IPCEF1: variants seen among roughly 807,000 people sequenced by gnomAD.
IPCEF1 encodes interactor protein for cytohesin exchange factors 1.
In IPCEF1, 31 loss-of-function variants were observed where a neutral mutation model predicts 50.9. That is an observed-to-expected ratio of 0.61 (90% CI 0.46 to 0.82). IPCEF1 has a LOEUF of 0.82. IPCEF1 is among the 40% of genes least tolerant of loss of function. The pLI is 0.00. For synonymous variants in IPCEF1, 181 were observed against 192.0 expected (o/e 0.94, Z 0.47); for missense variants, 458 against 514.0 (o/e 0.89, Z 1.05).
chr6:154,270,869 G>C (rs1478819034), intron 2 of IPCEF1, among the ~76,000 whole-genome samples: 1 of 152,124 alleles, frequency 6.6e-6, no homozygotes, highest in Non-Finnish European at 1.5e-5. Context: ...CCAGCTACTA[G>C]GGAGGCTGAG....
At chr6:154,191,746 T>G (rs1801908800) in intron 10 of IPCEF1, among the ~76,000 whole-genome samples, 1 of 152,068 alleles carries the variant, frequency 6.6e-6, no homozygotes, top group African/African-American at 2.4e-5. Context: ...AGACTTTAGT[T>G]AATAAAAAAG....
intron 2 of IPCEF1, among the ~76,000 whole-genome samples, chr6:154,284,253 A>G (rs1782298786): frequency 6.6e-6 from 1 of 152,264 alleles, no homozygotes; most frequent in South Asian, 2.1e-4. Context: ...AGTTAATTTT[A>G]AAATATTAAA....
chr6:154,171,551 G>A (rs1799871015), intron 10 of IPCEF1, among the ~76,000 whole-genome samples: 1 of 152,186 alleles, frequency 6.6e-6, no homozygotes, highest in Non-Finnish European at 1.5e-5. Flanking sequence ...AGATTGTGAT[G>A]ACAGCTGCAC....
At chr6:154,214,192 T>C in intron 8 of IPCEF1, 26 bp downstream of exon 8, 2 of 1,493,600 alleles carry the variant, frequency 1.3e-6, no homozygotes, top group Admixed American at 3.3e-5. Flanking sequence ...CTTGCTAAAT[T>C]TTCAGAAATT....
At chr6:154,165,949 G>A (rs890977150) in intron 11 of IPCEF1, among the ~76,000 whole-genome samples, 3 of 152,192 alleles carry the variant, frequency 2.0e-5, no homozygotes, top group Non-Finnish European at 4.4e-5. Flanking sequence ...AACCTGAAAG[G>A]ACCTGAATCC....
At chr6:154,283,093 A>G (rs1221475603) in intron 2 of IPCEF1, among the ~76,000 whole-genome samples, 3 of 151,842 alleles carry the variant, frequency 2.0e-5, no homozygotes, top group Non-Finnish European at 4.4e-5. Flanking sequence ...CAGGAGTTCA[A>G]GACCAGCCTG....
chr6:154,201,923 AG>A (rs1319653288), intron 9 of IPCEF1, among the ~76,000 whole-genome samples: 4 of 152,156 alleles, frequency 2.6e-5, no homozygotes, highest in South Asian at 2.1e-4. Context: ...AAAAACTCCA[AG>A]GAAGTGTCAG....
At chr6:154,226,499 C>T (rs1453845078) in intron 5 of IPCEF1, among the ~76,000 whole-genome samples, 1 of 152,126 alleles carries the variant, frequency 6.6e-6, no homozygotes, top group Non-Finnish European at 1.5e-5. Flanking sequence ...ATTCCCTTCT[C>T]GGTGCCCATG....
At chr6:154,279,319 T>C (rs1459882242) in intron 2 of IPCEF1, among the ~76,000 whole-genome samples, 2 of 152,172 alleles carry the variant, frequency 1.3e-5, no homozygotes, top group Non-Finnish European at 2.9e-5. Flanking sequence ...AATCAATTTT[T>C]GAAAGAAACT....
chr6:154,331,405 A>AAGAAAGAAAGAAAGAAAG lies in IPCEF1; in HGVS notation c.-62+25266_-62+25267insCTTTCTTTCTTTCTTTCT, dbSNP rs60403800. Among the ~76,000 whole-genome samples the AAGAAAGAAAGAAAGAAAG allele has an allele frequency of 1.6e-3, 146 of 93,008 alleles. 3 individuals are homozygous for AAGAAAGAAAGAAAGAAAG. The East Asian group carries it at 0.025, about 16-fold the overall frequency. The allele number at this position is 93,008 out of a possible 152,430, so 61.0% of individuals were successfully genotyped here. A position where few individuals can be genotyped will look rare whatever the true frequency, so the allele number is the denominator to read the frequency against. ...AAAGAAAGAAAGAAAGAAAGAAAGAAAGAGAGAGAAAAAGAAAGAGAGAGA... is the reference window on the plus strand; with the variant it reads ...AAAGAAAGAAAGAAAGAAAGAAAGAAAGAAAGAAAGAAAGAAAGAGAGAGAGAAAAAGAAAGAGAGAGA... On this transcript the variant is annotated intron_variant, in intron 1 of 11. Transcript: ENST00000367220.
intron 1 of IPCEF1, among the ~76,000 whole-genome samples, chr6:154,343,738 G>A (rs1174586947): frequency 6.6e-6 from 1 of 152,214 alleles, no homozygotes; most frequent in Non-Finnish European, 1.5e-5. Context: ...AGAGGTCCTT[G>A]GAAAGTTTTC....
intron 9 of IPCEF1, among the ~76,000 whole-genome samples, chr6:154,203,378 G>A (rs898137118): frequency 1.3e-5 from 2 of 152,150 alleles, no homozygotes; most frequent in Non-Finnish European, 2.9e-5. Context: ...GTCATTTTGT[G>A]TATCAACTTA....
At chr6:154,169,866 T>C (rs1248400895) in intron 10 of IPCEF1, among the ~76,000 whole-genome samples, 1 of 152,254 alleles carries the variant, frequency 6.6e-6, no homozygotes, top group Admixed American at 6.5e-5. Flanking sequence ...TCCAAGACTT[T>C]GGAGTATCAG....
At chr6:154,283,817 A>T (rs568445175) in intron 2 of IPCEF1, among the ~76,000 whole-genome samples, 1 of 152,212 alleles carries the variant, frequency 6.6e-6, no homozygotes, top group African/African-American at 2.4e-5. Context: ...TCTGTATCCA[A>T]CCAAACATAC....
chr6:154,286,863 G>A (rs1010862898), intron 2 of IPCEF1, among the ~76,000 whole-genome samples: 1 of 152,206 alleles, frequency 6.6e-6, no homozygotes, highest in African/African-American at 2.4e-5. Flanking sequence ...TCATCACCAC[G>A]TGATATTGTT....
At chr6:154,291,291 T>C (rs1039794280) in intron 1 of IPCEF1, among the ~76,000 whole-genome samples, 2 of 152,222 alleles carry the variant, frequency 1.3e-5, no homozygotes, top group Admixed American at 6.5e-5. Context: ...AATCTATATA[T>C]TTGCATCTCA....
At chr6:154,340,624 G>A (rs9397705) in intron 1 of IPCEF1, among the ~76,000 whole-genome samples, 1 of 151,048 alleles carries the variant, frequency 6.6e-6, no homozygotes, top group Non-Finnish European at 1.5e-5. Context: ...GGTGACTCAC[G>A]CCTGTAATCC....
At chr6:154,269,829 G>A (rs145779471) in intron 2 of IPCEF1, among the ~76,000 whole-genome samples, 1 of 152,154 alleles carries the variant, frequency 6.6e-6, no homozygotes, top group East Asian at 1.9e-4. Flanking sequence ...ACTCATGTAC[G>A]TACTTTTGAT....
At chr6:154,350,729 T>A (rs1402720222) in intron 1 of IPCEF1, among the ~76,000 whole-genome samples, 1 of 152,244 alleles carries the variant, frequency 6.6e-6, no homozygotes, top group Non-Finnish European at 1.5e-5. Context: ...TTAGTTTTTT[T>A]ATTTTTTCAG....
Sources: gnomAD v4.1 joint callset for allele counts (sites outside exome capture counted in the v4.1 genomes callset) on GRCh38, gnomAD v4.1.1 for gene constraint, MANE v1.5 for transcripts, NCBI Gene and HGNC (gene_info 2026-07-23, HGNC 2026-07-21) for gene names.